Variants in NUP43 observed in about 807,000 individuals in gnomAD.
NUP43 encodes the protein nucleoporin 43, also known as nucleoporin Nup43.
A neutral mutation model predicts 47.3 loss-of-function variants in NUP43; 32 were observed. The ratio of observed to expected loss-of-function variants is 0.68; its 90% CI spans 0.51 to 0.91. The LOEUF (loss-of-function observed/expected upper bound fraction) is 0.91, where lower values mean the gene tolerates loss of function less well. Among genes scored for constraint, NUP43 ranks in the 40% least tolerant of loss-of-function variants. NUP43 has a pLI of 0.00. For missense variants in NUP43, 444 were observed against 453.9 expected, an observed-to-expected ratio of 0.98 and a Z score of 0.20; for synonymous variants, 147 against 158.4, an observed-to-expected ratio of 0.93 and a Z score of 0.54.
At position 149,727,077 on chromosome 6, in the gene NUP43, T is replaced by G. The variant is rs146519216; in HGVS notation, c.1035A>C (p.Leu345Phe). The G allele has an allele frequency of 6.2e-6, 10 of 1,614,182 alleles. No homozygotes were observed. The highest frequency in any genetic ancestry group is 1.3e-5 in the African/African-American group (1 of 75,068). Residue 345 changes from leucine (L) to phenylalanine (F), a missense_variant, in exon 8 of 8, where the codon TTA (leucine) becomes TTC (phenylalanine). By Grantham distance (22) the Leu-to-Phe change is conservative. Coordinates refer to ENST00000340413, the MANE Select transcript of NUP43 (RefSeq NM_198887.3). ...PAKDRIEITS[L>F]LPSRSLSVNT... ...TCACAGACAGAGACCTACTGGGAAG[T>G]AAGCTTGTGATTTCAATTCGGTCTT...
chr6:149,736,392 T>C (rs1439519380), intron 6 of NUP43, 79 bp downstream of exon 6: 4 of 940,340 alleles, frequency 4.3e-6, no homozygotes, highest in African/African-American at 1.6e-5. Flanking sequence ...ATGATCCACA[T>C]GTATCATTAT....
intron 7 of NUP43, chr6:149,728,465 G>A (rs1784889507): frequency 2.3e-5 from 23 of 984,540 alleles, no homozygotes; most frequent in Admixed American, 1.2e-4. Context: ...CATGCTCTCC[G>A]CTCCAGAATT....
In NUP43 at chr6:149,724,319, A is replaced by C. The variant is rs1209303233; in HGVS notation, c.*2650T>G. 6.6e-6 allele frequency: 1 copy of C among 151,390 alleles called. No homozygotes were observed. The highest frequency in any genetic ancestry group is 2.4e-5 in the African/African-American group (1 of 41,126). The allele number at this position is 151,390 out of a possible 1,614,324, so 9.4% of individuals were successfully genotyped here. A position where few individuals can be genotyped will look rare whatever the true frequency, so the allele number is the denominator to read the frequency against. On this transcript the variant is annotated 3_prime_UTR_variant, in exon 8 of 8. Coordinates refer to ENST00000340413, the MANE Select transcript of NUP43 (RefSeq NM_198887.3). ...GATAAGACAGATAGAAGCAAATTTC[A>C]GTTCAGTATATGAAAATTCATTTAT...
At chr6:149,736,044 G>C (rs899918851) in intron 6 of NUP43, among the ~76,000 whole-genome samples, 1 of 149,560 alleles carries the variant, frequency 6.7e-6, no homozygotes, top group Non-Finnish European at 1.5e-5. Flanking sequence ...TTAGGAGGCC[G>C]AGCTGGGCAG....
At chr6:149,743,186 AT>A (rs1459944776) in intron 3 of NUP43, among the ~76,000 whole-genome samples, 4 of 151,412 alleles carry the variant, frequency 2.6e-5, no homozygotes, top group Middle Eastern at 3.4e-3. Context: ...AAAAAAAAAA[AT>A]AAATAAATAA....
intron 4 of NUP43, among the ~76,000 whole-genome samples, chr6:149,740,521 C>A (rs933752833): frequency 2.0e-5 from 3 of 151,500 alleles, no homozygotes; most frequent in African/African-American, 7.3e-5. Context: ...CCCAGCTCCT[C>A]GGGAGGCTGA....
In NUP43 at chr6:149,746,071, CAG is replaced by C; in HGVS notation, c.121-11_121-10del. On this transcript the variant is annotated splice_polypyrimidine_tract_variant and intron_variant, in intron 1 of 7. Transcript: ENST00000340413. Reference sequence around the variant, plus strand: ...AGTGAAATATAATTTTCCTGTAAAACAGAAAGTTTTGTCTTGAGATGACATAA... The same window carrying C: ...AGTGAAATATAATTTTCCTGTAAAACAAAGTTTTGTCTTGAGATGACATAA... The C allele has an allele frequency of 2.5e-6, 4 of 1,609,212 alleles. No homozygotes were observed. Among genetic ancestry groups the C allele is most frequent in the African/African-American group, 1.3e-5 (1 of 74,738 alleles).
chr6:149,745,401 GAA>G (rs748770682), intron 2 of NUP43, among the ~76,000 whole-genome samples: 3 of 118,270 alleles, frequency 2.5e-5, no homozygotes, highest in Admixed American at 8.8e-5. Flanking sequence ...CTCCATCTTG[GAA>G]AAAAAAAAAA....
At chr6:149,747,991 C>T (rs1245938070), upstream of NUP43, among the ~76,000 whole-genome samples, 2 of 152,214 alleles carry the variant, frequency 1.3e-5, no homozygotes, top group African/African-American at 4.8e-5. Flanking sequence ...CCCAAATCAA[C>T]AATTTTATTC....
chr6:149,741,099 T>C (rs1443912943), intron 4 of NUP43, among the ~76,000 whole-genome samples: 4 of 152,144 alleles, frequency 2.6e-5, no homozygotes, highest in Admixed American at 6.6e-5. Context: ...TAGTCAGTCA[T>C]TCATACTGGT....
intron 4 of NUP43, among the ~76,000 whole-genome samples, chr6:149,740,015 T>A (rs1464436700): frequency 6.6e-6 from 1 of 152,182 alleles, no homozygotes; most frequent in East Asian, 1.9e-4. Context: ...CCCAGTGCAG[T>A]GGGTCATGTC....
At chr6:149,728,993 C>T (rs577127816) in intron 7 of NUP43, among the ~76,000 whole-genome samples, 2 of 151,958 alleles carry the variant, frequency 1.3e-5, no homozygotes, top group African/African-American at 4.8e-5. Flanking sequence ...TGTTATTTTC[C>T]TTTTTCTTTT....
At chr6:149,743,210 T>C (rs912879460) in intron 3 of NUP43, among the ~76,000 whole-genome samples, 1 of 150,622 alleles carries the variant, frequency 6.6e-6, no homozygotes. Context: ...TAAAATAAAA[T>C]AAATAAAATA....
chr6:149,748,426 G>T (rs536981553), upstream of NUP43, among the ~76,000 whole-genome samples: 1 of 152,242 alleles, frequency 6.6e-6, no homozygotes, highest in Non-Finnish European at 1.5e-5. Flanking sequence ...AAGCAGGCCA[G>T]TGTCACATTT....
chr6:149,738,424 T>G (rs1785476980), intron 5 of NUP43, among the ~76,000 whole-genome samples: 1 of 152,156 alleles, frequency 6.6e-6, no homozygotes, highest in South Asian at 2.1e-4. Flanking sequence ...TAATACAAAC[T>G]TCAAAGAGTA....
intron 7 of NUP43, chr6:149,728,429 G>A (rs1429938058): frequency 5.1e-6 from 5 of 984,596 alleles, no homozygotes; most frequent in Non-Finnish European, 6.0e-6. Flanking sequence ...TGAAGTTATA[G>A]CATGGACATG....
intron 6 of NUP43, among the ~76,000 whole-genome samples, chr6:149,735,942 C>G (rs1309163470): frequency 1.3e-5 from 2 of 149,466 alleles, no homozygotes; most frequent in African/African-American, 4.9e-5. Context: ...CACTGCACTC[C>G]AGCCTGGGCG....
In NUP43 at chr6:149,734,323, C is replaced by A. The variant is rs754597956; in HGVS notation, c.790+2148G>T. 5.3e-4 allele frequency among the ~76,000 whole-genome samples: 80 copies of A among 151,518 alleles called. 1 individual carries two copies. The highest frequency in any genetic ancestry group is 9.1e-4 in the Non-Finnish European group (62 of 67,938). Reference sequence around the variant, plus strand: ...CTCCAGCCTGGGCAACATATTGAGACCCTGTCTCTACAAAAAATAAAAAAT... The same window carrying A: ...CTCCAGCCTGGGCAACATATTGAGAACCTGTCTCTACAAAAAATAAAAAAT... On this transcript the variant is annotated intron_variant, in intron 6 of 7. Coordinates refer to ENST00000340413, the MANE Select transcript of NUP43 (RefSeq NM_198887.3).
intron 7 of NUP43, among the ~76,000 whole-genome samples, chr6:149,730,575 A>T (rs1419138603): frequency 6.6e-6 from 1 of 152,212 alleles, no homozygotes; most frequent in East Asian, 1.9e-4. Context: ...ACTCTGAGGC[A>T]AGAGAATAAA....
Sources: gnomAD v4.1 joint callset for allele counts (sites outside exome capture counted in the v4.1 genomes callset) on GRCh38, gnomAD v4.1.1 for gene constraint, MANE v1.5 for transcripts, NCBI Gene and HGNC (gene_info 2026-07-23, HGNC 2026-07-21) for gene names.